Variants in TLN2 observed in about 807,000 individuals in gnomAD.
The protein encoded by TLN2 is talin 2.
TLN2 carries 118 observed loss-of-function variants against 294.7 expected under a neutral mutation model. The observed-to-expected ratio is 0.40, with a 90% CI of 0.34 to 0.47. The LOEUF (loss-of-function observed/expected upper bound fraction) is 0.47, where lower values mean the gene tolerates loss of function less well. Ranked by LOEUF, TLN2 falls within the 20% of genes least tolerant of loss-of-function variation. The pLI is 0.84. For synonymous variants in TLN2, 1,431 were observed against 1,304.5 expected (o/e 1.10, Z -2.09); for missense variants, 3,083 against 3,282.2 (o/e 0.94, Z 1.48).
chr15:62,669,271 T>C (rs1169430254), intron 9 of TLN2, among the ~76,000 whole-genome samples: 3 of 152,196 alleles, frequency 2.0e-5, no homozygotes, highest in Non-Finnish European at 4.4e-5. Context: ...CAGTGTATCA[T>C]ATAATCATGT....
At chr15:62,548,512 A>G (rs2140545168) in intron 1 of TLN2, among the ~76,000 whole-genome samples, 1 of 152,276 alleles carries the variant, frequency 6.6e-6, no homozygotes, top group African/African-American at 2.4e-5. Flanking sequence ...CTAGGCCTAG[A>G]TTTCCTGGTG....
Position 62,840,513 on chromosome 15 carries a change from A to C in TLN2, c.7532A>C (p.Lys2511Thr). 1 of 1,614,220 alleles carries C rather than the reference A, an allele frequency of 6.2e-7. No individual in the cohort carries two copies. The highest frequency in any genetic ancestry group is 1.6e-4 in the Middle Eastern group (1 of 6,062). Residue 2511 changes from lysine (K) to threonine (T), a missense_variant, in exon 59 of 59, where the codon AAA (lysine) becomes ACA (threonine). Physicochemically the swap from Lys to Thr is moderately conservative, Grantham distance 78 (BLOSUM62 -1). Coordinates refer to ENST00000636159, the MANE Select transcript of TLN2 (RefSeq NM_015059.3). Reference sequence around the variant, plus strand: ...GCCGCCCAGGAAGAAATGCTAAAGAAAGAGCGAGAACTGGAAGAAGCAAGG... The same window carrying C: ...GCCGCCCAGGAAGAAATGCTAAAGACAGAGCGAGAACTGGAAGAAGCAAGG... ...IIAAQEEMLKKERELEEARKK... is the reference protein window; with the variant it reads ...IIAAQEEMLKTERELEEARKK...
intron 22 of TLN2, among the ~76,000 whole-genome samples, chr15:62,713,571 A>G (rs1346848004): frequency 6.6e-6 from 1 of 151,704 alleles, no homozygotes; most frequent in Non-Finnish European, 1.5e-5. Context: ...CCCAGCTACT[A>G]GGGAGGCTGA....
intron 2 of TLN2, among the ~76,000 whole-genome samples, chr15:62,615,581 T>C (rs1596348670): frequency 6.6e-6 from 1 of 152,242 alleles, no homozygotes; most frequent in East Asian, 1.9e-4. Flanking sequence ...GACAATACAA[T>C]GTACTCTTAA....
chr15:62,756,016 A>T (rs74381409), intron 37 of TLN2, among the ~76,000 whole-genome samples: 1 of 152,136 alleles, frequency 6.6e-6, no homozygotes, highest in East Asian at 1.9e-4. Flanking sequence ...TTGCGTAGCA[A>T]ATACCCTGAT....
At chr15:62,748,550 C>A in intron 33 of TLN2, 106 bp downstream of exon 33, 1 of 904,178 alleles carries the variant, frequency 1.1e-6, no homozygotes, top group Non-Finnish European at 1.8e-6. Flanking sequence ...CCCTATAGGG[C>A]TAGTTTTCTC....
intron 1 of TLN2, among the ~76,000 whole-genome samples, chr15:62,426,640 C>T (rs146270180): frequency 5.5e-4 from 84 of 152,328 alleles, no homozygotes; most frequent in African/African-American, 6.5e-4. Flanking sequence ...CTGGGGGCCC[C>T]GGGTGTGCTG....
intron 21 of TLN2, among the ~76,000 whole-genome samples, chr15:62,709,127 G>C (rs1458800129): frequency 6.6e-6 from 1 of 152,222 alleles, no homozygotes; most frequent in Non-Finnish European, 1.5e-5. Flanking sequence ...ACAAGATCAA[G>C]GCTTGGAATT....
At chr15:62,709,254 A>T (rs2059268594) in intron 21 of TLN2, among the ~76,000 whole-genome samples, 1 of 152,166 alleles carries the variant, frequency 6.6e-6, no homozygotes, top group African/African-American at 2.4e-5. Flanking sequence ...GAGGGCCTAG[A>T]CCATGGCCTT....
chr15:62,565,341 A>G (rs1367766401), intron 1 of TLN2, among the ~76,000 whole-genome samples: 1 of 152,236 alleles, frequency 6.6e-6, no homozygotes, highest in Non-Finnish European at 1.5e-5. Context: ...ACATTAAAGT[A>G]TATACATAAT....
chr15:62,769,249 T>C lies in TLN2; in HGVS notation c.5197-1715T>C, dbSNP rs116434095. 7.8e-3 allele frequency among the ~76,000 whole-genome samples: 1,189 copies of C among 152,358 alleles called. 12 individuals are homozygous for C. The highest frequency in any genetic ancestry group is 0.025 in the African/African-American group (1,054 of 41,572). On this transcript the variant is annotated intron_variant, in intron 41 of 58. Coordinates refer to ENST00000636159, the MANE Select transcript of TLN2 (RefSeq NM_015059.3). ...GACCACCCTAAGCCCTCTGTCCCGA[T>C]GACCCTTCAGTGCTCCGTTCCCTTT...
chr15:62,420,855 A>G lies in TLN2; in HGVS notation c.-238+30170A>G, dbSNP rs557891448. Reference sequence around the variant, plus strand: ...TTGGGGGTCTGAAGGAACTCCTCAAATCTCTGTGATTTAGCAGGAGACAAG... The same window carrying G: ...TTGGGGGTCTGAAGGAACTCCTCAAGTCTCTGTGATTTAGCAGGAGACAAG... On this transcript the variant is annotated intron_variant, in intron 1 of 58. Coordinates refer to ENST00000636159, the MANE Select transcript of TLN2 (RefSeq NM_015059.3). Among the ~76,000 whole-genome samples the G allele has an allele frequency of 5.9e-5, 9 of 152,284 alleles. No homozygotes were observed. In the East Asian group the frequency reaches 1.4e-3, roughly 23 times the overall value.
rs903062167 is a variant in TLN2, at chr15:62,694,331, C to A, written c.1231C>A (p.Arg411=). ...IILKKKQSKD[R]FGLEGDEEST... Reference sequence around the variant, plus strand: ...GCATTTCCAGAAACAAAGTAAAGATCGATTTGGACTAGAAGGTGATGAGGA... The same window carrying A: ...GCATTTCCAGAAACAAAGTAAAGATAGATTTGGACTAGAAGGTGATGAGGA... Residue 411 remains arginine (R), a synonymous_variant, in exon 14 of 59, where the codon CGA becomes AGA. Transcript: ENST00000636159. 1 of 1,613,876 alleles carries A rather than the reference C, an allele frequency of 6.2e-7. No individual in the cohort carries two copies. Among genetic ancestry groups the A allele is most frequent in the Non-Finnish European group, 8.5e-7 (1 of 1,179,918 alleles).
chr15:62,685,124 A>C (rs980624229), intron 11 of TLN2, among the ~76,000 whole-genome samples: 1 of 151,900 alleles, frequency 6.6e-6, no homozygotes, highest in African/African-American at 2.4e-5. Flanking sequence ...AACACATGAG[A>C]TGTTCAGTGC....
intron 54 of TLN2, among the ~76,000 whole-genome samples, chr15:62,824,328 T>C (rs1168461747): frequency 3.3e-5 from 5 of 152,226 alleles, no homozygotes; most frequent in Non-Finnish European, 5.9e-5. Flanking sequence ...TTCCAACCCA[T>C]GTCTGTGACA....
chr15:62,681,199 T>A (rs2056799635), intron 11 of TLN2, among the ~76,000 whole-genome samples: 1 of 152,192 alleles, frequency 6.6e-6, no homozygotes, highest in Admixed American at 6.5e-5. Context: ...ATAAATTTTT[T>A]AAAGACATCA....
intron 1 of TLN2, among the ~76,000 whole-genome samples, chr15:62,524,547 G>A (rs995308835): frequency 5.9e-5 from 9 of 152,172 alleles, no homozygotes; most frequent in Non-Finnish European, 1.3e-4. Flanking sequence ...TAGGACTTCA[G>A]ATCCCTACCT....
At chr15:62,597,184 A>T (rs1395945100) in intron 2 of TLN2, among the ~76,000 whole-genome samples, 1 of 152,106 alleles carries the variant, frequency 6.6e-6, no homozygotes, top group South Asian at 2.1e-4. Context: ...TCCCACCAAC[A>T]TGCTCCCAGT....
At chr15:62,564,905 C>CAAAAA (rs60087745) in intron 1 of TLN2, among the ~76,000 whole-genome samples, 5 of 112,814 alleles carry the variant, frequency 4.4e-5, no homozygotes, top group African/African-American at 1.8e-4. Flanking sequence ...AACTCCATCT[C>CAAAAA]AAAAAAAAAA....
Sources: allele counts gnomAD v4.1 joint callset (sites outside exome capture counted in the v4.1 genomes callset), GRCh38; gene constraint gnomAD v4.1.1; transcripts MANE v1.5; gene names NCBI Gene and HGNC (gene_info 2026-07-23, HGNC 2026-07-21).